Variants in DYNC1H1 observed in about 807,000 individuals in gnomAD.
DYNC1H1 encodes the protein dynein cytoplasmic 1 heavy chain 1, also known as cytoplasmic dynein 1 heavy chain 1.
In DYNC1H1, 51 loss-of-function variants were observed where a neutral mutation model predicts 527.1. The observed-to-expected ratio is 0.10, with a 90% CI of 0.08 to 0.12. The LOEUF is 0.12. DYNC1H1 is among the 10% of genes least tolerant of loss of function. The probability of loss-of-function intolerance (pLI) is 1.00; values close to 1 mark genes in which losing one functional copy is unlikely to be tolerated. For missense variants in DYNC1H1, 2,771 were observed against 5,971.8 expected (o/e 0.46, Z 17.66); for synonymous variants, 2,189 against 2,278.8 (o/e 0.96, Z 1.12).
In DYNC1H1 at chr14:102,044,091, A is replaced by G. The variant is rs1190606; in HGVS notation, c.12684+46A>G. 0.13 allele frequency: 215,927 copies of G among 1,608,418 alleles called. 19,993 individuals are homozygous for G. Among genetic ancestry groups the G allele is most frequent in the African/African-American group, 0.45 (33,516 of 74,896 alleles). Reference sequence around the variant, plus strand: ...GACAGACAGTGGACGTGTATCTGGGAAGGATGCTGCAGGGCGTGGTGCTGA... The same window carrying G: ...GACAGACAGTGGACGTGTATCTGGGGAGGATGCTGCAGGGCGTGGTGCTGA... On this transcript the variant is annotated intron_variant, in intron 70 of 77. Transcript: ENST00000360184. This position sits in a 1 kb window ranked among gnomAD's most constrained non-coding sequence, Gnocchi z 7.1.
Position 101,983,681 on chromosome 14 carries a change from T to G in DYNC1H1, c.1461+72T>G. 1 of 1,487,004 alleles carries G rather than the reference T, an allele frequency of 6.7e-7. No homozygotes were observed. Among genetic ancestry groups the G allele is most frequent in the Non-Finnish European group, 9.1e-7 (1 of 1,093,538 alleles). The allele number at this position is 1,487,004 out of a possible 1,614,324, so 92.1% of individuals were successfully genotyped here. A position where few individuals can be genotyped will look rare whatever the true frequency, so the allele number is the denominator to read the frequency against. On this transcript the variant is annotated intron_variant, in intron 7 of 77. Coordinates refer to ENST00000360184, the MANE Select transcript of DYNC1H1 (RefSeq NM_001376.5). This position sits in a 1 kb window ranked among gnomAD's most constrained non-coding sequence, Gnocchi z 5.3. ...TTGTTTTTTGTTTGGTGTTTTTTTTTTGTTGTTGTTGTTGAGATGAAGTTT... is the reference window on the plus strand; with the variant it reads ...TTGTTTTTTGTTTGGTGTTTTTTTTGTGTTGTTGTTGTTGAGATGAAGTTT...
chr14:102,023,340 G>A (rs182148505), intron 43 of DYNC1H1: 15 of 314,190 alleles, frequency 4.8e-5, no homozygotes, highest in East Asian at 8.5e-5. Context: ...ACCTGAGGTC[G>A]GGAGTTCGAG....
rs1595641938 is a variant in DYNC1H1 at position 102,056,222 on chromosome 14, C to G, written c.*5659C>G. Reference sequence around the variant, plus strand: ...AGATTTCAGGCATTGTATGGAAGAACATCGTGAGACTCCCTGCTCTGTTCT... The same window carrying G: ...AGATTTCAGGCATTGTATGGAAGAAGATCGTGAGACTCCCTGCTCTGTTCT... On this transcript the variant is annotated 3_prime_UTR_variant, in exon 78 of 78. Transcript: ENST00000360184. 2 of 152,342 alleles carry G rather than the reference C, an allele frequency of 1.3e-5. No individual in the cohort carries two copies. Among genetic ancestry groups the G allele is most frequent in the East Asian group, 3.9e-4 (2 of 5,190 alleles). 9.4% of individuals were successfully genotyped at this position (152,342 alleles called of 1,614,324 possible). A position where few individuals can be genotyped will look rare whatever the true frequency, so the allele number is the denominator to read the frequency against.
intron 27 of DYNC1H1, 72 bp downstream of exon 27, chr14:102,006,242 A>G (rs2048195166): frequency 3.8e-6 from 6 of 1,592,802 alleles, no homozygotes; most frequent in African/African-American, 1.3e-5. Context: ...TAATGATTTG[A>G]ATGTACTTCT....
Position 102,012,635 on chromosome 14 carries a change from T to G in DYNC1H1, c.7014+165T>G, listed in dbSNP as rs1158109363. ...AGCATCTCAACTGCTAGATTTTTTT[T>G]CCATTTCCATGGCTAGTGAGAAACA... On this transcript the variant is annotated intron_variant, in intron 34 of 77. Transcript: ENST00000360184. This position sits in a 1 kb window ranked among gnomAD's most constrained non-coding sequence, Gnocchi z 4.9. 1 of 938,006 alleles carries G rather than the reference T, an allele frequency of 1.1e-6. No individual in the cohort carries two copies. Among genetic ancestry groups the G allele is most frequent in the Non-Finnish European group, 1.7e-6 (1 of 599,240 alleles). The allele number at this position is 938,006 out of a possible 1,614,324, so 58.1% of individuals were successfully genotyped here. A position where few individuals can be genotyped will look rare whatever the true frequency, so the allele number is the denominator to read the frequency against.
chr14:101,976,453 A>G (rs1170378043), intron 2 of DYNC1H1, among the ~76,000 whole-genome samples: 1 of 151,696 alleles, frequency 6.6e-6, no homozygotes, highest in African/African-American at 2.4e-5. Context: ...GAGGCAGTTG[A>G]ATAGCTTGAA....
chr14:102,023,011 C>A, intron 43 of DYNC1H1, 131 bp downstream of exon 43: 2 of 1,442,870 alleles, frequency 1.4e-6, no homozygotes, highest in Non-Finnish European at 9.4e-7. Flanking sequence ...ACCTGTAATC[C>A]CAGCACTTTG....
intron 73 of DYNC1H1, 128 bp downstream of exon 73, chr14:102,048,156 C>T (rs1386782392): frequency 8.1e-7 from 1 of 1,239,784 alleles, no homozygotes; most frequent in Non-Finnish European, 1.1e-6. Flanking sequence ...GGTGTCACCT[C>T]AGAGCAGGTG....
rs1595626303 is a variant in DYNC1H1 at position 102,033,804 on chromosome 14, G to A, written c.10414-172G>A. The A allele has an allele frequency of 2.7e-6, 2 of 750,090 alleles. No homozygotes were observed. Among genetic ancestry groups the A allele is most frequent in the East Asian group, 2.7e-5 (1 of 37,100 alleles). The allele number at this position is 750,090 out of a possible 1,614,324, so 46.5% of individuals were successfully genotyped here. A position where few individuals can be genotyped will look rare whatever the true frequency, so the allele number is the denominator to read the frequency against. ...CCGCTGAGATTCTGAGTCGTGTGTG[G>A]TCATTAGTTATATATGATCTGGGTC... On this transcript the variant is annotated intron_variant, in intron 54 of 77. Transcript: ENST00000360184. The surrounding 1 kb of genome is among the most constrained non-coding windows in gnomAD (Gnocchi z 5.6).
chr14:102,009,769 T>C (rs1429840571), intron 29 of DYNC1H1, 74 bp from the exon 30 acceptor site: 4 of 1,609,870 alleles, frequency 2.5e-6, no homozygotes, highest in African/African-American at 2.7e-5. Flanking sequence ...TCTGTTGTTT[T>C]AGAGACATTT....
intron 16 of DYNC1H1, among the ~76,000 whole-genome samples, chr14:101,998,027 A>T (rs1471904347): frequency 2.0e-5 from 3 of 152,174 alleles, no homozygotes; most frequent in Non-Finnish European, 4.4e-5. Context: ...TGTAGATAAC[A>T]GTGTGTGTGG....
At position 102,042,863 on chromosome 14, in the gene DYNC1H1, A is replaced by T. The variant is rs1265986304; in HGVS notation, c.12513+115A>T. 12 of 1,225,936 alleles carry T rather than the reference A, an allele frequency of 9.8e-6. No individual in the cohort carries two copies. In the East Asian group the frequency reaches 3.0e-4, roughly 31 times the overall value. The allele number at this position is 1,225,936 out of a possible 1,614,324, so 75.9% of individuals were successfully genotyped here. A position where few individuals can be genotyped will look rare whatever the true frequency, so the allele number is the denominator to read the frequency against. ...GGAAGTGCCGTGTGGTGAACTGCACAGCTGCTTTTGCTTTTCAGCTGTAGG... is the reference window on the plus strand; with the variant it reads ...GGAAGTGCCGTGTGGTGAACTGCACTGCTGCTTTTGCTTTTCAGCTGTAGG... On this transcript the variant is annotated intron_variant, in intron 69 of 77. Coordinates refer to ENST00000360184, the MANE Select transcript of DYNC1H1 (RefSeq NM_001376.5). The surrounding 1 kb of genome is among the most constrained non-coding windows in gnomAD (Gnocchi z 5.7).
Position 102,036,735 on chromosome 14 carries a change from A to C in DYNC1H1, c.10908+93A>C. 6.8e-7 allele frequency: 1 copy of C among 1,474,622 alleles called. No individual in the cohort carries two copies. Among genetic ancestry groups the C allele is most frequent in the Non-Finnish European group, 9.5e-7 (1 of 1,056,536 alleles). 91.3% of individuals were successfully genotyped at this position (1,474,622 alleles called of 1,614,324 possible). A position where few individuals can be genotyped will look rare whatever the true frequency, so the allele number is the denominator to read the frequency against. On this transcript the variant is annotated intron_variant, in intron 57 of 77. Transcript: ENST00000360184. The surrounding 1 kb of genome is among the most constrained non-coding windows in gnomAD (Gnocchi z 5.6). ...TTAGTTTTCAACTTTGTAAGACTTC[A>C]TTTTGTATCAGAAGGATAAAGCTTT...
In DYNC1H1 at chr14:101,983,909, T is replaced by TC. The variant is rs1327306552; in HGVS notation, c.1461+301dup. 6.6e-6 allele frequency among the ~76,000 whole-genome samples: 1 copy of TC among 152,090 alleles called. No homozygotes were observed. Among genetic ancestry groups the TC allele is most frequent in the African/African-American group, 2.4e-5 (1 of 41,406 alleles). ...GGCCAGGCTGGTTTTGAACTGGCCT[T>TC]CAAGTGTTCCACCTGCCTCGGCCTC... On this transcript the variant is annotated intron_variant, in intron 7 of 77. Coordinates refer to ENST00000360184, the MANE Select transcript of DYNC1H1 (RefSeq NM_001376.5). This position sits in a 1 kb window ranked among gnomAD's most constrained non-coding sequence, Gnocchi z 5.3.
chr14:101,991,225 G>A (rs1024747641), intron 10 of DYNC1H1, among the ~76,000 whole-genome samples: 1 of 152,082 alleles, frequency 6.6e-6, no homozygotes, highest in Non-Finnish European at 1.5e-5. Flanking sequence ...TGTAATCCCA[G>A]CACTTTGGGA....
Position 102,012,480 on chromosome 14 carries a change from C to T in DYNC1H1, c.7014+10C>T. 6.2e-7 allele frequency: 1 copy of T among 1,614,162 alleles called. No individual in the cohort carries two copies. Among genetic ancestry groups the T allele is most frequent in the Non-Finnish European group, 8.5e-7 (1 of 1,180,026 alleles). On this transcript the variant is annotated intron_variant, in intron 34 of 77. Coordinates refer to ENST00000360184, the MANE Select transcript of DYNC1H1 (RefSeq NM_001376.5). The surrounding 1 kb of genome is among the most constrained non-coding windows in gnomAD (Gnocchi z 4.9). ...CAGTCTTCCACCCAATGTAAGTAGC[C>T]TTTTGTATGTCGTCAACTGAATAAT... is the stretch of plus-strand genomic sequence containing the variant.
intron 11 of DYNC1H1, among the ~76,000 whole-genome samples, chr14:101,993,678 A>G (rs2048024158): frequency 6.6e-6 from 1 of 152,094 alleles, no homozygotes; most frequent in African/African-American, 2.4e-5. Flanking sequence ...TCCCCTTCTC[A>G]GCAAGGCCTT....
chr14:102,006,186 G>A lies in DYNC1H1; in HGVS notation c.5716+16G>A. ...TCCCCATTTGGTAAGTTCTTCCACA[G>A]ATCTGGACAGATGGAATCATATATT... On this transcript the variant is annotated intron_variant, in intron 27 of 77. Coordinates refer to ENST00000360184, the MANE Select transcript of DYNC1H1 (RefSeq NM_001376.5). 2 of 1,612,330 alleles carry A rather than the reference G, an allele frequency of 1.2e-6. No individual in the cohort carries two copies. The highest frequency in any genetic ancestry group is 1.7e-6 in the Non-Finnish European group (2 of 1,179,836).
At position 102,027,473 on chromosome 14, in the gene DYNC1H1, A is replaced by G. The variant is rs1187943520; in HGVS notation, c.8977A>G (p.Ile2993Val). Residue 2993 changes from isoleucine to valine, a missense_variant, in exon 46 of 78, where the codon ATA (isoleucine) becomes GTA (valine). This residue lies in a region of DYNC1H1 where 84 missense variants were observed against 285.4 expected (regional missense o/e 0.29). Coordinates refer to ENST00000360184, the MANE Select transcript of DYNC1H1 (RefSeq NM_001376.5). The surrounding 1 kb of genome is among the most constrained non-coding windows in gnomAD (Gnocchi z 7.7). ...CTGTAAAAATGAAAAGATAGCATTT[A>G]TAATGGATGAATCTAATGTGTTAGA... is the stretch of plus-strand genomic sequence containing the variant. ...SGCKNEKIAF[I>V]MDESNVLDSG... The G allele has an allele frequency of 2.7e-5, 43 of 1,614,094 alleles. No individual in the cohort carries two copies. The highest frequency in any genetic ancestry group is 3.6e-5 in the Non-Finnish European group (43 of 1,180,042).
Sources: gnomAD v4.1 joint callset for allele counts (sites outside exome capture counted in the v4.1 genomes callset) on GRCh38, gnomAD v4.1.1 for gene constraint, gnomAD v4.1.1 regional missense constraint, Gnocchi (gnomAD v3.1) non-coding constraint, MANE v1.5 for transcripts, NCBI Gene and HGNC (gene_info 2026-07-23, HGNC 2026-07-21) for gene names.